UNC13C: variants seen among roughly 807,000 people sequenced by gnomAD.
UNC13C encodes protein unc-13 homolog C.
A neutral mutation model predicts 245.4 loss-of-function variants in UNC13C; 174 were observed. The ratio of observed to expected loss-of-function variants is 0.71; its 90% CI spans 0.63 to 0.80. UNC13C has a LOEUF of 0.80. UNC13C is among the 30% of genes least tolerant of loss of function. The probability of loss-of-function intolerance (pLI) is 0.00; values close to 1 mark genes in which losing one functional copy is unlikely to be tolerated. For missense variants in UNC13C, 2,829 were observed against 2,602.9 expected (o/e 1.09, Z -1.89); for synonymous variants, 992 against 895.1 (o/e 1.11, Z -1.93).
chr15:54,509,946 C>A (rs1296389790), intron 23 of UNC13C, among the ~76,000 whole-genome samples: 1 of 152,074 alleles, frequency 6.6e-6, no homozygotes, highest in Non-Finnish European at 1.5e-5. Flanking sequence ...AACTTGGGGT[C>A]AATAGCAATC....
the UNC13C span, among the ~76,000 whole-genome samples, chr15:53,838,921 A>G: frequency 6.6e-6 from 1 of 152,076 alleles, no homozygotes; most frequent in African/African-American, 2.4e-5. Flanking sequence ...TTAATTTGTT[A>G]TTAAGTAATA....
intron 2 of UNC13C, among the ~76,000 whole-genome samples, chr15:54,139,640 G>T (rs925454470): frequency 6.6e-6 from 1 of 151,998 alleles, no homozygotes; most frequent in Non-Finnish European, 1.5e-5. Flanking sequence ...ATTAAAATCA[G>T]TATCTTTAAT....
chr15:53,971,396 T>C, the UNC13C span, among the ~76,000 whole-genome samples: 1 of 152,128 alleles, frequency 6.6e-6, no homozygotes, highest in Non-Finnish European at 1.5e-5. Flanking sequence ...AGTGATTTGT[T>C]AAATATGACA....
intron 18 of UNC13C, among the ~76,000 whole-genome samples, chr15:54,411,424 C>A (rs1293327236): frequency 6.6e-6 from 1 of 152,128 alleles, no homozygotes. Context: ...AATATAAGGT[C>A]ATAAGGATTT....
chr15:54,421,284 T>G (rs2040637276), intron 19 of UNC13C, among the ~76,000 whole-genome samples: 1 of 151,968 alleles, frequency 6.6e-6, no homozygotes, highest in Non-Finnish European at 1.5e-5. Flanking sequence ...GGTGGCCTTC[T>G]TGGAGAATCT....
chr15:54,490,645 A>G (rs1893656134), intron 19 of UNC13C, among the ~76,000 whole-genome samples: 1 of 151,698 alleles, frequency 6.6e-6, no homozygotes, highest in South Asian at 2.1e-4. Context: ...TGCAAGGGAC[A>G]GGGATTGGGA....
intron 19 of UNC13C, among the ~76,000 whole-genome samples, chr15:54,442,802 G>T (rs1375263325): frequency 6.6e-6 from 1 of 152,010 alleles, no homozygotes. Context: ...GTGATGTGCT[G>T]TTGGATTTGT....
At chr15:54,384,915 G>A (rs192902476) in intron 17 of UNC13C, among the ~76,000 whole-genome samples, 2 of 152,106 alleles carry the variant, frequency 1.3e-5, no homozygotes, top group East Asian at 1.9e-4. Context: ...AAAATGCTCA[G>A]TATCACTAAT....
chr15:54,496,362 T>A (rs1055369972), intron 20 of UNC13C, among the ~76,000 whole-genome samples: 1 of 151,946 alleles, frequency 6.6e-6, no homozygotes, highest in African/African-American at 2.4e-5. Context: ...TAAAGACATA[T>A]GGGGTTAAAA....
chr15:54,084,365 T>C lies in UNC13C; in HGVS notation c.2984-58653T>C, dbSNP rs138200269. Among the ~76,000 whole-genome samples the C allele has an allele frequency of 1.2e-3, 190 of 152,328 alleles. 4 individuals are homozygous for C. In the South Asian group the frequency reaches 0.028, roughly 23 times the overall value. On this transcript the variant is annotated intron_variant, in intron 2 of 32. Transcript: ENST00000260323. Reference sequence around the variant, plus strand: ...ATTTTTTGCAGTTGTGTTTTGTGAGTATATGAGTTGTCTTTATAACTCAGA... The same window carrying C: ...ATTTTTTGCAGTTGTGTTTTGTGAGCATATGAGTTGTCTTTATAACTCAGA...
At chr15:54,612,029 T>TTTA (rs1900129828) in intron 30 of UNC13C, among the ~76,000 whole-genome samples, 1 of 151,948 alleles carries the variant, frequency 6.6e-6, no homozygotes, top group Non-Finnish European at 1.5e-5. Flanking sequence ...ACAAAATAAG[T>TTTA]TTATTTCTCA....
At chr15:53,923,726 G>C in the UNC13C span, among the ~76,000 whole-genome samples, 1 of 152,086 alleles carries the variant, frequency 6.6e-6, no homozygotes, top group Non-Finnish European at 1.5e-5. Flanking sequence ...TTCTTCCTTG[G>C]AATGGAACTA....
chr15:54,570,745 A>C (rs927684355), intron 30 of UNC13C, among the ~76,000 whole-genome samples: 5 of 152,192 alleles, frequency 3.3e-5, no homozygotes, highest in African/African-American at 1.2e-4. Flanking sequence ...TATTTATAAA[A>C]CCATAAAAAT....
intron 19 of UNC13C, among the ~76,000 whole-genome samples, chr15:54,427,767 C>T (rs951574383): frequency 5.9e-5 from 9 of 151,672 alleles, no homozygotes; most frequent in African/African-American, 1.9e-4. Context: ...TAAATGTTCT[C>T]GACTTAGTTA....
chr15:54,215,148 A>C (rs1417482404), intron 4 of UNC13C, among the ~76,000 whole-genome samples: 1 of 151,168 alleles, frequency 6.6e-6, no homozygotes, highest in East Asian at 2.0e-4. Context: ...TGTAAAGAAA[A>C]TGAGTCCTAG....
intron 32 of UNC13C, among the ~76,000 whole-genome samples, chr15:54,624,806 A>C (rs2681965): frequency 6.6e-6 from 1 of 151,866 alleles, no homozygotes; most frequent in Non-Finnish European, 1.5e-5. Context: ...TAATTCCCGA[A>C]AACACTCAGT....
chr15:54,453,039 G>C (rs1440648271), intron 19 of UNC13C, among the ~76,000 whole-genome samples: 3 of 152,120 alleles, frequency 2.0e-5, no homozygotes, highest in Admixed American at 2.0e-4. Flanking sequence ...TCTCAAAATG[G>C]CACCATTTTG....
intron 19 of UNC13C, among the ~76,000 whole-genome samples, chr15:54,460,935 T>C (rs1009523597): frequency 9.9e-5 from 15 of 152,182 alleles, no homozygotes; most frequent in Non-Finnish European, 1.9e-4. Flanking sequence ...TAAAACCTTA[T>C]TGTTTGTTTA....
chr15:54,494,827 A>G, intron 20 of UNC13C, 93 bp downstream of exon 20: 1 of 1,415,372 alleles, frequency 7.1e-7, no homozygotes, highest in Non-Finnish European at 9.7e-7. Context: ...ATCTCTTCAC[A>G]TAATCTTCAT....
Sources: gnomAD v4.1 joint callset for allele counts (sites outside exome capture counted in the v4.1 genomes callset) on GRCh38, gnomAD v4.1.1 for gene constraint, MANE v1.5 for transcripts, NCBI Gene and HGNC (gene_info 2026-07-23, HGNC 2026-07-21) for gene names.